KNOP1: variants seen among roughly 807,000 people sequenced by gnomAD.
The protein encoded by KNOP1 is lysine rich nucleolar protein 1.
Under a neutral mutation model 30.6 loss-of-function variants are expected in KNOP1, and 20 were observed. That is an observed-to-expected ratio of 0.65 (90% CI 0.46 to 0.95). KNOP1 has a LOEUF of 0.95. Ranked by LOEUF, KNOP1 falls within the 40% of genes least tolerant of loss-of-function variation. The pLI is 0.00. For synonymous variants in KNOP1, 204 were observed against 210.0 expected (o/e 0.97, Z 0.25); for missense variants, 540 against 562.0 (o/e 0.96, Z 0.40).
At position 19,714,587 on chromosome 16, in the gene KNOP1, T is replaced by G. The variant is rs373865859; in HGVS notation, c.449A>C (p.Lys150Thr). ...GGCCCCCTTTTTTTCCTTCTTGTGT[T>G]TTTTGAGCTTCTTGCCAACTCTGGT... Reference protein sequence around the residue: ...EETRVGKKLKKHKKEKKGAQD... With the variant: ...EETRVGKKLKTHKKEKKGAQD... The change falls in exon 2 of 5, where the codon AAA becomes ACA. Residue 150 changes from lysine to threonine, a missense_variant. Coordinates refer to ENST00000219837, the MANE Select transcript of KNOP1 (RefSeq NM_001012991.3). 5.0e-6 allele frequency: 8 copies of G among 1,614,098 alleles called. No individual in the cohort carries two copies. The African/African-American group carries it at 1.1e-4, about 22-fold the overall frequency.
intron 3 of KNOP1, 120 bp downstream of exon 3, chr16:19,711,252 C>A: frequency 1.0e-6 from 1 of 954,320 alleles, no homozygotes; most frequent in South Asian, 1.4e-5. Flanking sequence ...GGCCCAGTGG[C>A]CTCTGGAGTC....
In KNOP1 at chr16:19,711,272, CCT is replaced by C. The variant is rs574142712; in HGVS notation, c.987+98_987+99del. On this transcript the variant is annotated intron_variant, in intron 3 of 4. Transcript: ENST00000219837. ...AGTGGCCTCTGGAGTCCCTGGTGCCCCTGAGACCAGGATCACCTAGCCAGCCT... is the reference window on the plus strand; with the variant it reads ...AGTGGCCTCTGGAGTCCCTGGTGCCCGAGACCAGGATCACCTAGCCAGCCT... 112 of 1,228,152 alleles carry C rather than the reference CCT, an allele frequency of 9.1e-5. No homozygotes were observed. In the African/African-American group the frequency reaches 1.5e-3, roughly 16 times the overall value. 76.1% of individuals were successfully genotyped at this position (1,228,152 alleles called of 1,614,324 possible). A position where few individuals can be genotyped will look rare whatever the true frequency, so the allele number is the denominator to read the frequency against.
intron 4 of KNOP1, among the ~76,000 whole-genome samples, chr16:19,709,979 C>A (rs2151646607): frequency 6.6e-6 from 1 of 152,300 alleles, no homozygotes; most frequent in East Asian, 1.9e-4. Flanking sequence ...AGAGCCCCCA[C>A]TGAACTCCGC....
chr16:19,717,290 T>C, intron 1 of KNOP1: 2 of 984,464 alleles, frequency 2.0e-6, no homozygotes, highest in Non-Finnish European at 2.4e-6. Flanking sequence ...GGGGGACTAT[T>C]GTATTGGCAT....
intron 2 of KNOP1, chr16:19,711,823 G>A: frequency 3.7e-6 from 1 of 269,358 alleles, no homozygotes. Context: ...CTACAGGACA[G>A]AGGCCAAGGA....
intron 4 of KNOP1, 22 bp from the exon 5 acceptor site, chr16:19,707,243 G>A (rs1400696985): frequency 3.8e-6 from 6 of 1,598,468 alleles, no homozygotes; most frequent in Non-Finnish European, 4.3e-6. Context: ...GGAAAAAGGT[G>A]GCTATTTTCC....
intron 4 of KNOP1, among the ~76,000 whole-genome samples, chr16:19,709,678 T>A (rs1976606891): frequency 6.6e-6 from 1 of 151,522 alleles, no homozygotes; most frequent in Admixed American, 6.5e-5. Flanking sequence ...CACCGGCCAC[T>A]GGCCTCACTG....
rs563188786 is a variant in KNOP1 at position 19,717,934 on chromosome 16, A to C, written c.-3+224T>G. 9.0e-4 allele frequency: 1,056 copies of C among 1,168,162 alleles called. 5 individuals carry two copies. The highest frequency in any genetic ancestry group is 1.1e-3 in the Non-Finnish European group (992 of 941,802). The allele number at this position is 1,168,162 out of a possible 1,614,324, so 72.4% of individuals were successfully genotyped here. On this transcript the variant is annotated intron_variant, in intron 1 of 4. Coordinates refer to ENST00000219837, the MANE Select transcript of KNOP1 (RefSeq NM_001012991.3). ...GGCTCCCATGGGCCCAAGCCTCCGC[A>C]TCAACAGACTGGGAGGGATTACGTG... is the stretch of plus-strand genomic sequence containing the variant.
rs930153602 is a variant in KNOP1 at position 19,702,459 on chromosome 16, A to G, written c.*4451T>C. On this transcript the variant is annotated 3_prime_UTR_variant, in exon 5 of 5. Transcript: ENST00000219837. ...AGGCCAGTGAATTCTTACCGCTCTCACATTACACCTGAACTTGGACTTTCA... is the reference window on the plus strand; with the variant it reads ...AGGCCAGTGAATTCTTACCGCTCTCGCATTACACCTGAACTTGGACTTTCA... 6.6e-6 allele frequency: 1 copy of G among 152,234 alleles called. No homozygotes were observed. Among genetic ancestry groups the G allele is most frequent in the Non-Finnish European group, 1.5e-5 (1 of 68,044 alleles). 9.4% of individuals were successfully genotyped at this position (152,234 alleles called of 1,614,324 possible).
chr16:19,712,483 A>C (rs1303570925), intron 2 of KNOP1, among the ~76,000 whole-genome samples: 1 of 152,198 alleles, frequency 6.6e-6, no homozygotes, highest in Non-Finnish European at 1.5e-5. Flanking sequence ...GAGGTTACAT[A>C]GATGGTTTCT....
At position 19,706,589 on chromosome 16, in the gene KNOP1, C is replaced by T. The variant is rs1237020196; in HGVS notation, c.*321G>A. 1 of 328,816 alleles carries T rather than the reference C, an allele frequency of 3.0e-6. No individual in the cohort carries two copies. The highest frequency in any genetic ancestry group is 5.6e-6 in the Non-Finnish European group (1 of 178,058). The allele number at this position is 328,816 out of a possible 1,614,324, so 20.4% of individuals were successfully genotyped here. On this transcript the variant is annotated 3_prime_UTR_variant, in exon 5 of 5. Transcript: ENST00000219837. Reference sequence around the variant, plus strand: ...ACAGAAAACAGGAGGTTTTAGCACTCACTCGTTCTCCTGGCTCCCGAAATA... The same window carrying T: ...ACAGAAAACAGGAGGTTTTAGCACTTACTCGTTCTCCTGGCTCCCGAAATA...
Position 19,707,020 on chromosome 16 carries a change from C to T in KNOP1, c.1267G>A (p.Ala423Thr), listed in dbSNP as rs780177711. ...QQNLQRDYDR[A>T]MSWKYSRGAG... The stretch of plus-strand genomic sequence containing the variant: ...CCCCGGCTGTACTTCCAGCTCATGG[C>T]CCGGTCGTAGTCCCGCTGCAGATTC... Residue 423 changes from alanine (A) to threonine (T), a missense_variant, in exon 5 of 5, where the codon GCC (alanine) becomes ACC (threonine). Physicochemically the swap from Ala to Thr is moderately conservative, Grantham distance 58. Transcript: ENST00000219837. 4.3e-6 allele frequency: 7 copies of T among 1,614,104 alleles called. No homozygotes were observed. Among genetic ancestry groups the T allele is most frequent in the Non-Finnish European group, 5.9e-6 (7 of 1,180,010 alleles).
chr16:19,717,988 A>C (rs1199895053), intron 1 of KNOP1, 170 bp downstream of exon 1: 7 of 1,295,488 alleles, frequency 5.4e-6, no homozygotes, highest in East Asian at 8.0e-5. Flanking sequence ...TGAGGCGGGA[A>C]AACTTTCTGG....
At chr16:19,715,725 TC>T (rs936716935) in intron 1 of KNOP1, among the ~76,000 whole-genome samples, 1 of 152,048 alleles carries the variant, frequency 6.6e-6, no homozygotes, top group African/African-American at 2.4e-5. Flanking sequence ...CTGGCCTAGT[TC>T]CACTGTTTTT....
intron 3 of KNOP1, among the ~76,000 whole-genome samples, chr16:19,710,995 G>A (rs759409986): frequency 2.0e-5 from 3 of 151,594 alleles, no homozygotes; most frequent in South Asian, 2.1e-4. Flanking sequence ...ATATGGGAAC[G>A]ACAGAAGCGG....
intron 3 of KNOP1, among the ~76,000 whole-genome samples, chr16:19,710,911 CAAAAAAAAAAA>C (rs547237111): frequency 2.5e-5 from 2 of 80,668 alleles, no homozygotes; most frequent in African/African-American, 8.0e-5. Context: ...GACTCCGTCT[CAAAAAAAAAAA>C]AAAAAAAAAA....
At chr16:19,709,001 G>T (rs1443814016) in intron 4 of KNOP1, among the ~76,000 whole-genome samples, 1 of 152,166 alleles carries the variant, frequency 6.6e-6, no homozygotes, top group Non-Finnish European at 1.5e-5. Context: ...TCCTTCCAGG[G>T]ACAGCCCCCC....
chr16:19,702,560 A>G lies in KNOP1; in HGVS notation c.*4350T>C, dbSNP rs1544352. 52,122 of 152,012 alleles carry G rather than the reference A, an allele frequency of 0.34. 13,959 individuals are homozygous for G. Among genetic ancestry groups the G allele is most frequent in the African/African-American group, 0.75 (31,124 of 41,438 alleles). 9.4% of individuals were successfully genotyped at this position (152,012 alleles called of 1,614,324 possible). A position where few individuals can be genotyped will look rare whatever the true frequency, so the allele number is the denominator to read the frequency against. On this transcript the variant is annotated 3_prime_UTR_variant, in exon 5 of 5. Transcript: ENST00000219837. ...TGGCCCAGGCAGAGGCTTAGATTTT[A>G]TATGTCCTTGTGTGTGCAGTTTCCC... is the stretch of plus-strand genomic sequence containing the variant.
intron 1 of KNOP1, among the ~76,000 whole-genome samples, chr16:19,716,860 T>C (rs566309627): frequency 6.6e-6 from 1 of 152,368 alleles, no homozygotes; most frequent in Admixed American, 6.5e-5. Context: ...TAATTTTTTG[T>C]GAGACAAGGT....
Sources: allele counts gnomAD v4.1 joint callset (sites outside exome capture counted in the v4.1 genomes callset), GRCh38; gene constraint gnomAD v4.1.1; transcripts MANE v1.5; gene names NCBI Gene and HGNC (gene_info 2026-07-23, HGNC 2026-07-21).